AGMO: variants seen among roughly 807,000 people sequenced by gnomAD.
AGMO encodes glyceryl-ether monooxygenase.
A neutral mutation model predicts 60.2 loss-of-function variants in AGMO; 75 were observed. The observed-to-expected ratio is 1.25, with a 90% CI of 1.03 to 1.51. AGMO has a LOEUF of 1.51. Among genes scored for constraint, AGMO ranks in the 40% most tolerant of loss-of-function variants. The probability of loss-of-function intolerance (pLI) is 0.00; values close to 1 mark genes in which losing one functional copy is unlikely to be tolerated. For synonymous variants in AGMO, 261 were observed against 177.1 expected, an observed-to-expected ratio of 1.47 and a Z score of -3.76; for missense variants, 763 against 525.5, an observed-to-expected ratio of 1.45 and a Z score of -4.42.
chr7:15,467,772 C>A (rs1487950078), intron 3 of AGMO, among the ~76,000 whole-genome samples: 2 of 152,052 alleles, frequency 1.3e-5, no homozygotes, highest in South Asian at 2.1e-4. Flanking sequence ...ATCACTAAGT[C>A]TTATTCATAA....
rs1783341836 is a variant in AGMO, at chr7:15,263,538, T to C, written c.1264-62179A>G. Among the ~76,000 whole-genome samples the C allele has an allele frequency of 1.3e-5, 2 of 152,118 alleles. 1 individual carries two copies. The highest frequency in any genetic ancestry group is 1.3e-4 in the Admixed American group (2 of 15,258). On this transcript the variant is annotated intron_variant, in intron 12 of 12. Coordinates refer to ENST00000342526, the MANE Select transcript of AGMO (RefSeq NM_001004320.2). ...ACACCTTAAAGAACTAAAGTAGATT[T>C]ACCGTTTGATCACCAATCCCACTAC...
chr7:15,145,457 AATATGTAG>A, the AGMO span, among the ~76,000 whole-genome samples: 2 of 152,174 alleles, frequency 1.3e-5, no homozygotes, highest in Non-Finnish European at 2.9e-5. Context: ...TATCTTCATA[AATATGTAG>A]ATATGTAGAT....
intron 9 of AGMO, among the ~76,000 whole-genome samples, chr7:15,387,040 G>A (rs1233192165): frequency 6.6e-6 from 1 of 152,104 alleles, no homozygotes; most frequent in Non-Finnish European, 1.5e-5. Context: ...AGTTTAGACT[G>A]GCTCATTCCT....
intron 12 of AGMO, among the ~76,000 whole-genome samples, chr7:15,243,624 T>G (rs551162059): frequency 3.9e-5 from 6 of 152,294 alleles, no homozygotes; most frequent in African/African-American, 1.4e-4. Context: ...AATTAAGATT[T>G]AAATTGGATT....
At chr7:15,306,750 G>C (rs77682837) in intron 12 of AGMO, among the ~76,000 whole-genome samples, 3,318 of 151,976 alleles carry the variant, frequency 0.022, 118 homozygotes, top group African/African-American at 0.077. Flanking sequence ...TATAGGCTGA[G>C]GAATATGTCC....
intron 12 of AGMO, among the ~76,000 whole-genome samples, chr7:15,362,101 A>G (rs542388668): frequency 3.9e-5 from 6 of 152,184 alleles, no homozygotes; most frequent in Non-Finnish European, 8.8e-5. Flanking sequence ...CACTGAGGCC[A>G]TTTATTAGGT....
intron 9 of AGMO, among the ~76,000 whole-genome samples, chr7:15,386,543 A>C (rs901093279): frequency 5.9e-5 from 9 of 152,232 alleles, no homozygotes; most frequent in African/African-American, 2.2e-4. Context: ...TTGTGAACAT[A>C]AACGGAAGTG....
At chr7:15,158,156 C>T in the AGMO span, among the ~76,000 whole-genome samples, 1 of 151,960 alleles carries the variant, frequency 6.6e-6, no homozygotes, top group African/African-American at 2.4e-5. Context: ...TTTTTTAGAT[C>T]CCTAAAAGTT....
chr7:15,248,421 G>A (rs1782831470), intron 12 of AGMO, among the ~76,000 whole-genome samples: 1 of 151,480 alleles, frequency 6.6e-6, no homozygotes, highest in African/African-American at 2.4e-5. Flanking sequence ...AGGTTATCTA[G>A]ACCAGAGATG....
intron 3 of AGMO, among the ~76,000 whole-genome samples, chr7:15,458,864 T>C (rs960981463): frequency 5.3e-5 from 8 of 152,204 alleles, no homozygotes; most frequent in Non-Finnish European, 4.4e-5. Context: ...TCTACCACCA[T>C]TGCAAGATGT....
At chr7:15,220,803 A>T (rs1462529147) in intron 12 of AGMO, among the ~76,000 whole-genome samples, 2 of 152,138 alleles carry the variant, frequency 1.3e-5, no homozygotes, top group African/African-American at 2.4e-5. Flanking sequence ...AATAGCATAT[A>T]TTTTCAGGAC....
At chr7:15,511,786 A>G (rs1022772308) in intron 3 of AGMO, among the ~76,000 whole-genome samples, 1 of 152,198 alleles carries the variant, frequency 6.6e-6, no homozygotes, top group Non-Finnish European at 1.5e-5. Flanking sequence ...GCAAAGCTGA[A>G]ATTCTTTTTA....
intron 3 of AGMO, among the ~76,000 whole-genome samples, chr7:15,541,001 T>A (rs1022416701): frequency 1.3e-5 from 2 of 152,234 alleles, no homozygotes; most frequent in Middle Eastern, 3.2e-3. Context: ...GCAGTAATTA[T>A]CAGCTTTTAA....
At chr7:15,293,734 C>T (rs1784337835) in intron 12 of AGMO, among the ~76,000 whole-genome samples, 1 of 152,112 alleles carries the variant, frequency 6.6e-6, no homozygotes, top group Non-Finnish European at 1.5e-5. Context: ...TGTGGTTAAG[C>T]AGTACTCGGC....
At chr7:15,393,671 T>C (rs995512456) in intron 6 of AGMO, among the ~76,000 whole-genome samples, 3 of 152,156 alleles carry the variant, frequency 2.0e-5, no homozygotes, top group African/African-American at 7.2e-5. Flanking sequence ...TTCAACGCCT[T>C]AGGCAGGAAG....
chr7:15,410,002 T>TAATAAATA (rs539260632), intron 5 of AGMO, among the ~76,000 whole-genome samples: 5 of 151,380 alleles, frequency 3.3e-5, no homozygotes, highest in African/African-American at 1.2e-4. Context: ...AATAAATAAA[T>TAATAAATA]AATAAATAAA....
At chr7:15,521,655 T>G (rs1419133902) in intron 3 of AGMO, among the ~76,000 whole-genome samples, 1 of 152,176 alleles carries the variant, frequency 6.6e-6, no homozygotes, top group Admixed American at 6.6e-5. Flanking sequence ...CACCCCTTCA[T>G]GTTAAAAACA....
At position 15,556,953 on chromosome 7, in the gene AGMO, G is replaced by T. The variant is rs564290543; in HGVS notation, c.257+3188C>A. 3.9e-5 allele frequency among the ~76,000 whole-genome samples: 6 copies of T among 152,068 alleles called. 1 individual carries two copies. The South Asian group carries it at 1.2e-3, about 31-fold the overall frequency. On this transcript the variant is annotated intron_variant, in intron 2 of 12. Transcript: ENST00000342526. ...CAGAATCTGGTTCTTAGGACAGATG[G>T]ACTTTTATTACAGATCATGGTCTGT...
At chr7:15,424,287 T>C (rs2128496091) in intron 4 of AGMO, among the ~76,000 whole-genome samples, 1 of 152,146 alleles carries the variant, frequency 6.6e-6, no homozygotes, top group East Asian at 1.9e-4. Context: ...CCCCAATCTC[T>C]GCCACCATGA....
Sources: gnomAD v4.1 joint callset for allele counts (sites outside exome capture counted in the v4.1 genomes callset) on GRCh38, gnomAD v4.1.1 for gene constraint, MANE v1.5 for transcripts, NCBI Gene and HGNC (gene_info 2026-07-23, HGNC 2026-07-21) for gene names.